PEAK1: variants seen among roughly 807,000 people sequenced by gnomAD.
The protein encoded by PEAK1 is inactive tyrosine-protein kinase PEAK1.
In PEAK1, 54 loss-of-function variants were observed where a neutral mutation model predicts 124.7. That is an observed-to-expected ratio of 0.43 (90% CI 0.35 to 0.54). The LOEUF (loss-of-function observed/expected upper bound fraction) is 0.54. Ranked by LOEUF, PEAK1 falls within the 20% of genes least tolerant of loss-of-function variation. The pLI is 0.01. For missense variants in PEAK1, 2,046 were observed against 2,134.5 expected (o/e 0.96, Z 0.82); for synonymous variants, 719 against 760.0 (o/e 0.95, Z 0.89).
chr15:77,418,186 C>A (rs888736157), intron 1 of PEAK1: 1 of 985,206 alleles, frequency 1.0e-6, no homozygotes, highest in Non-Finnish European at 1.2e-6. Flanking sequence ...CATAATAGTT[C>A]AAAGTGATCT....
intron 6 of PEAK1, among the ~76,000 whole-genome samples, chr15:77,224,931 G>A (rs1217523101): frequency 6.6e-6 from 1 of 151,610 alleles, no homozygotes; most frequent in Non-Finnish European, 1.5e-5. Context: ...TGTTCTGGTG[G>A]TCTCCTATCT....
chr15:77,129,838 A>T (rs1026139176), intron 9 of PEAK1, among the ~76,000 whole-genome samples: 7 of 152,138 alleles, frequency 4.6e-5, no homozygotes, highest in African/African-American at 1.7e-4. Context: ...TTCCCTTAGT[A>T]TGGGAAGGGA....
At chr15:77,417,338 AAGGTTACT>A in intron 1 of PEAK1, 1 of 982,816 alleles carries the variant, frequency 1.0e-6, no homozygotes, top group Non-Finnish European at 1.2e-6. Context: ...TCCTGGCCTG[AAGGTTACT>A]AGGATTTCTA....
intron 6 of PEAK1, among the ~76,000 whole-genome samples, chr15:77,233,361 T>A (rs1006323440): frequency 2.0e-5 from 3 of 152,210 alleles, no homozygotes; most frequent in African/African-American, 7.2e-5. Context: ...AATTCTCTGT[T>A]CTCACCTTAT....
At chr15:77,336,602 A>G (rs2066214976) in intron 2 of PEAK1, 2 of 958,510 alleles carry the variant, frequency 2.1e-6, no homozygotes, top group Non-Finnish European at 2.5e-6. Flanking sequence ...CATCCTACAG[A>G]GCAATCTGGC....
chr15:77,161,206 C>A (rs1369699549), intron 7 of PEAK1, among the ~76,000 whole-genome samples: 1 of 152,212 alleles, frequency 6.6e-6, no homozygotes, highest in Non-Finnish European at 1.5e-5. Flanking sequence ...CTCAGATAAA[C>A]CATAGATTCC....
Position 77,181,813 on chromosome 15 carries a change from G to A in PEAK1, c.114C>T (p.Ile38=). The A allele has an allele frequency of 6.2e-7, 1 of 1,614,090 alleles. No homozygotes were observed. The highest frequency in any genetic ancestry group is 8.5e-7 in the Non-Finnish European group (1 of 1,179,944). The change falls in exon 7 of 10, where the codon ATC becomes ATT. Residue 38 remains isoleucine (I), a synonymous_variant. Transcript: ENST00000682557. ...QLPPDPEKAP[I]THGNVKTNAN... ...CATTAGTTTTCACATTGCCATGGGT[G>A]ATGGGTGCCTTCTCAGGGTCTGGGG...
At chr15:77,297,320 T>C (rs2063534209) in intron 2 of PEAK1, among the ~76,000 whole-genome samples, 1 of 151,828 alleles carries the variant, frequency 6.6e-6, no homozygotes, top group Non-Finnish European at 1.5e-5. Flanking sequence ...TCAAATTCAC[T>C]CCAAGCTGAA....
chr15:77,119,196 A>C (rs550214999), intron 9 of PEAK1, among the ~76,000 whole-genome samples: 2 of 152,358 alleles, frequency 1.3e-5, no homozygotes, highest in African/African-American at 4.8e-5. Flanking sequence ...CATCCTGGGC[A>C]CAGTGACCCT....
intron 2 of PEAK1, among the ~76,000 whole-genome samples, chr15:77,290,325 A>C (rs1037493514): frequency 1.3e-5 from 2 of 151,942 alleles, no homozygotes; most frequent in African/African-American, 2.4e-5. Context: ...GGGTTTCATC[A>C]TGTTGGCTGG....
chr15:77,367,259 A>AC (rs1187183707), intron 1 of PEAK1, among the ~76,000 whole-genome samples: 1 of 152,242 alleles, frequency 6.6e-6, no homozygotes, highest in Non-Finnish European at 1.5e-5. Context: ...TAAAGGGCAT[A>AC]CATAGGAACT....
At chr15:77,344,660 C>T (rs762343481) in intron 2 of PEAK1, among the ~76,000 whole-genome samples, 1 of 152,208 alleles carries the variant, frequency 6.6e-6, no homozygotes, top group East Asian at 1.9e-4. Flanking sequence ...GTAGTACTGA[C>T]ATCTTAACAA....
Position 77,403,717 on chromosome 15 carries a change from G to A in PEAK1, c.-666+16289C>T, listed in dbSNP as rs556245355. ...AAAACCATATTAAGAAAAAAGGGCAGGATTATCTCCATCTTACAGGAACAA... is the reference window on the plus strand; with the variant it reads ...AAAACCATATTAAGAAAAAAGGGCAAGATTATCTCCATCTTACAGGAACAA... On this transcript the variant is annotated intron_variant, in intron 1 of 9. Coordinates refer to ENST00000682557, the MANE Select transcript of PEAK1 (RefSeq NM_001385026.1). 2.3e-5 allele frequency: 22 copies of A among 937,304 alleles called. 1 individual carries two copies. The highest frequency in any genetic ancestry group is 5.4e-4 in the Middle Eastern group (1 of 1,846). The allele number at this position is 937,304 out of a possible 1,614,324, so 58.1% of individuals were successfully genotyped here. A position where few individuals can be genotyped will look rare whatever the true frequency, so the allele number is the denominator to read the frequency against.
intron 6 of PEAK1, among the ~76,000 whole-genome samples, chr15:77,233,697 T>C (rs1052233416): frequency 5.3e-5 from 8 of 152,244 alleles, no homozygotes; most frequent in Non-Finnish European, 1.2e-4. Flanking sequence ...TCTAGTATTT[T>C]TTGTATAACC....
intron 6 of PEAK1, among the ~76,000 whole-genome samples, chr15:77,225,666 T>TATATATATATATATATATA (rs1555448933): frequency 2.3e-5 from 2 of 87,994 alleles, no homozygotes; most frequent in Non-Finnish European, 4.6e-5. Flanking sequence ...TGTGTATAAT[T>TATATATATATATATATATA]TATATATATA....
chr15:77,391,099 TG>T (rs1597570289), intron 1 of PEAK1, among the ~76,000 whole-genome samples: 2 of 152,248 alleles, frequency 1.3e-5, no homozygotes, highest in African/African-American at 4.8e-5. Context: ...TCCTTATTCC[TG>T]GGTAAGCTGG....
chr15:77,207,078 C>T (rs2058694993), intron 6 of PEAK1, among the ~76,000 whole-genome samples: 2 of 152,104 alleles, frequency 1.3e-5, no homozygotes, highest in South Asian at 4.1e-4. Flanking sequence ...AAAGCTGAAA[C>T]TGGATCCCTT....
intron 6 of PEAK1, among the ~76,000 whole-genome samples, chr15:77,231,735 C>T (rs2059918195): frequency 6.6e-6 from 1 of 151,970 alleles, no homozygotes; most frequent in Non-Finnish European, 1.5e-5. Context: ...GAAATTGTAA[C>T]ATATGGAGGT....
At chr15:77,265,317 C>A (rs2061664679) in intron 5 of PEAK1, among the ~76,000 whole-genome samples, 1 of 152,142 alleles carries the variant, frequency 6.6e-6, no homozygotes, top group Non-Finnish European at 1.5e-5. Flanking sequence ...AGTGAATAGA[C>A]AACCCACAAA....
Sources: gnomAD v4.1 joint callset for allele counts (sites outside exome capture counted in the v4.1 genomes callset) on GRCh38, gnomAD v4.1.1 for gene constraint, MANE v1.5 for transcripts, NCBI Gene and HGNC (gene_info 2026-07-23, HGNC 2026-07-21) for gene names.